SYT6: variants seen among roughly 807,000 people sequenced by gnomAD.
SYT6 encodes synaptotagmin 6, also known as synaptotagmin-6.
SYT6 carries 24 observed loss-of-function variants against 38.4 expected under a neutral mutation model. The ratio of observed to expected loss-of-function variants is 0.62; its 90% CI spans 0.45 to 0.88. The LOEUF (loss-of-function observed/expected upper bound fraction) is 0.88, where lower values mean the gene tolerates loss of function less well. SYT6 is among the 40% of genes least tolerant of loss of function. SYT6 has a pLI of 0.00. For synonymous variants in SYT6, 265 were observed against 241.9 expected, an observed-to-expected ratio of 1.10 and a Z score of -0.89; for missense variants, 611 against 621.0, an observed-to-expected ratio of 0.98 and a Z score of 0.17.
chr1:114,151,791 C>T (rs368319419), intron 1 of SYT6, among the ~76,000 whole-genome samples: 2 of 152,204 alleles, frequency 1.3e-5, no homozygotes, highest in East Asian at 1.9e-4. Context: ...GGTGTGTATG[C>T]GTGGTGTAGG....
At chr1:114,128,576 C>G (rs907365823) in intron 3 of SYT6, among the ~76,000 whole-genome samples, 1 of 152,198 alleles carries the variant, frequency 6.6e-6, no homozygotes, top group Non-Finnish European at 1.5e-5. Context: ...GTTGATCTTC[C>G]CCACTCGGGT....
chr1:114,133,985 G>A (rs962243240), intron 3 of SYT6, among the ~76,000 whole-genome samples: 6 of 152,118 alleles, frequency 3.9e-5, no homozygotes, highest in Non-Finnish European at 8.8e-5. Flanking sequence ...GGTGGGGGTG[G>A]GAACAAGGGA....
At chr1:114,122,142 T>G (rs1228936580) in intron 3 of SYT6, among the ~76,000 whole-genome samples, 1 of 152,222 alleles carries the variant, frequency 6.6e-6, no homozygotes, top group Admixed American at 6.5e-5. Flanking sequence ...CTGCGTGGCC[T>G]TGAAGGTGCT....
intron 7 of SYT6, 99 bp downstream of exon 7, chr1:114,093,636 C>G (rs1675449312): frequency 1.7e-6 from 2 of 1,158,358 alleles, no homozygotes; most frequent in Non-Finnish European, 2.5e-6. Context: ...TCTTTCCACT[C>G]CATCCTGCTG....
In SYT6 at chr1:114,099,264, A is replaced by T; in HGVS notation, c.1194T>A (p.Asp398Glu). The T allele has an allele frequency of 6.2e-7, 1 of 1,611,514 alleles. No individual in the cohort carries two copies. Among genetic ancestry groups the T allele is most frequent in the Non-Finnish European group, 8.5e-7 (1 of 1,178,594 alleles). The change falls in exon 5 of 8, where the codon GAT (aspartate) becomes GAA (glutamate). Residue 398 changes from aspartate to glutamate, a missense_variant and splice_region_variant. Physicochemically the swap from Asp to Glu is conservative, Grantham distance 45 (BLOSUM62 2). Transcript: ENST00000610222. The stretch of plus-strand genomic sequence containing the variant: ...AGAGCAAGGACACTTTCACATAGGG[A>T]TCTGTGCCAATGGGGACAGAGAAAA... ...LKAMDITGYS[D>E]PYVKVSLLCD...
chr1:114,153,693 G>T lies in SYT6; in HGVS notation c.80C>A (p.Pro27Gln), dbSNP rs971424292. 1.5e-6 allele frequency: 1 copy of T among 675,014 alleles called. No individual in the cohort carries two copies. The allele number at this position is 675,014 out of a possible 1,614,324, so 41.8% of individuals were successfully genotyped here. The change falls in exon 1 of 8, where the codon CCG becomes CAG. Residue 27 changes from proline (P) to glutamine (Q), a missense_variant. By Grantham distance (76) the Pro-to-Gln change is moderately conservative. Transcript: ENST00000610222. ...CTCCACGTCCAGCCCGAGAGGGGGC[G>T]GCCGGGCCCGGCACAGCGAGGCGAG... The part of the protein sequence containing the change: ...AVLASLCRAR[P>Q]PPLGLDVETC...
At chr1:114,136,927 C>T (rs987857646) in intron 3 of SYT6, among the ~76,000 whole-genome samples, 18 of 152,190 alleles carry the variant, frequency 1.2e-4, no homozygotes, top group African/African-American at 4.3e-4. Context: ...GTCACTTCTG[C>T]GTGGAAGTTT....
chr1:114,130,592 C>T (rs1678088137), intron 3 of SYT6, among the ~76,000 whole-genome samples: 1 of 152,180 alleles, frequency 6.6e-6, no homozygotes, highest in African/African-American at 2.4e-5. Flanking sequence ...TACTCACCTC[C>T]ATCTCCCCTT....
chr1:114,091,905 G>T lies in SYT6; in HGVS notation c.*229C>A, dbSNP rs1290685513. ...CAGGTAAGACTCTGGAGTGACGGAC[G>T]GCTGCCGCTGCTGCCGCCACTGCGA... is the stretch of plus-strand genomic sequence containing the variant. On this transcript the variant is annotated 3_prime_UTR_variant, in exon 8 of 8. Transcript: ENST00000610222. The T allele has an allele frequency of 2.6e-6, 3 of 1,156,054 alleles. No individual in the cohort carries two copies. The highest frequency in any genetic ancestry group is 3.1e-5 in the African/African-American group (2 of 65,476). 71.6% of individuals were successfully genotyped at this position (1,156,054 alleles called of 1,614,324 possible).
chr1:114,118,221 C>T (rs1465497387), intron 3 of SYT6, among the ~76,000 whole-genome samples: 8 of 152,206 alleles, frequency 5.3e-5, no homozygotes, highest in Admixed American at 2.0e-4. Context: ...CCCAGGAGCA[C>T]GATGATAAAG....
chr1:114,140,055 G>C (rs1036418917), intron 1 of SYT6, 92 bp from the exon 2 acceptor site: 2 of 694,864 alleles, frequency 2.9e-6, no homozygotes, highest in East Asian at 5.7e-5. Flanking sequence ...ACACGGAAGG[G>C]ACAAAGACGG....
At position 114,134,846 on chromosome 1, in the gene SYT6, A is replaced by C. The variant is rs149315667; in HGVS notation, c.1071+2649T>G. On this transcript the variant is annotated intron_variant, in intron 3 of 7. Coordinates refer to ENST00000610222, the MANE Select transcript of SYT6 (RefSeq NM_001253772.2). ...GCTCATCTCATCAGTACTGTCCCCC[A>C]TTGTGCTGGTATGGGAATTCATATA... Among the ~76,000 whole-genome samples, 23 of 152,278 alleles carry C rather than the reference A, an allele frequency of 1.5e-4. 1 individual carries two copies. In the East Asian group the frequency reaches 4.4e-3, roughly 29 times the overall value.
At chr1:114,138,126 G>A (rs975704672) in intron 2 of SYT6, 73 bp from the exon 3 acceptor site, 3 of 1,420,270 alleles carry the variant, frequency 2.1e-6, no homozygotes, top group Non-Finnish European at 2.8e-6. Context: ...GCAAACACGA[G>A]CCTGGAGGCC....
At chr1:114,132,261 C>T (rs2101071842) in intron 3 of SYT6, among the ~76,000 whole-genome samples, 1 of 152,272 alleles carries the variant, frequency 6.6e-6, no homozygotes, top group South Asian at 2.1e-4. Context: ...AGGAATGTGG[C>T]TCATGGGAAA....
chr1:114,091,911 C>CGCA lies in SYT6; in HGVS notation c.*222_*223insTGC. On this transcript the variant is annotated 3_prime_UTR_variant, in exon 8 of 8. Transcript: ENST00000610222. The stretch of plus-strand genomic sequence containing the variant: ...AGACTCTGGAGTGACGGACGGCTGC[C>CGCA]GCTGCTGCCGCCACTGCGACTGCAC... The CGCA allele has an allele frequency of 8.1e-7, 1 of 1,237,378 alleles. No individual in the cohort carries two copies. 76.6% of individuals were successfully genotyped at this position (1,237,378 alleles called of 1,614,324 possible). A position where few individuals can be genotyped will look rare whatever the true frequency, so the allele number is the denominator to read the frequency against.
chr1:114,119,106 T>G (rs1011459695), intron 3 of SYT6, among the ~76,000 whole-genome samples: 2 of 152,182 alleles, frequency 1.3e-5, no homozygotes, highest in African/African-American at 4.8e-5. Context: ...CTGCAGTTAG[T>G]AGTTGAAGTG....
At chr1:114,142,350 G>A (rs1678911850) in intron 1 of SYT6, among the ~76,000 whole-genome samples, 2 of 152,194 alleles carry the variant, frequency 1.3e-5, no homozygotes, top group Non-Finnish European at 2.9e-5. Context: ...CTGCAGATGT[G>A]GTGGAAATAG....
chr1:114,139,983 G>A lies in SYT6; in HGVS notation c.164-20C>T, dbSNP rs776781838. The A allele has an allele frequency of 1.4e-6, 2 of 1,430,960 alleles. No individual in the cohort carries two copies. The highest frequency in any genetic ancestry group is 2.9e-5 in the African/African-American group (2 of 69,916). The allele number at this position is 1,430,960 out of a possible 1,614,324, so 88.6% of individuals were successfully genotyped here. On this transcript the variant is annotated intron_variant, in intron 1 of 7. Transcript: ENST00000610222. ...AGGTGCCTGCCCTCGGCATGAGCCA[G>A]GCAGGGAGGGACAGACAGACAGAGG...
chr1:114,116,364 C>T (rs879924395), intron 3 of SYT6, among the ~76,000 whole-genome samples: 16 of 152,278 alleles, frequency 1.1e-4, no homozygotes, highest in African/African-American at 3.9e-4. Flanking sequence ...GGAAGAACCC[C>T]GGGCCCTCTC....
Sources: gnomAD v4.1 joint callset for allele counts (sites outside exome capture counted in the v4.1 genomes callset) on GRCh38, gnomAD v4.1.1 for gene constraint, MANE v1.5 for transcripts, NCBI Gene and HGNC (gene_info 2026-07-23, HGNC 2026-07-21) for gene names.